Variants in KIAA1217 observed in about 807,000 individuals in gnomAD.
KIAA1217 encodes KIAA1217, also known as sickle tail protein homolog.
Under a neutral mutation model 163.9 loss-of-function variants are expected in KIAA1217, and 88 were observed. The observed-to-expected ratio is 0.54, with a 90% CI of 0.45 to 0.64. KIAA1217 has a LOEUF of 0.64. KIAA1217 is among the 30% of genes least tolerant of loss of function. KIAA1217 has a pLI of 0.00. For missense variants in KIAA1217, 2,372 were observed against 2,475.0 expected, an observed-to-expected ratio of 0.96 and a Z score of 0.88; for synonymous variants, 903 against 923.1, an observed-to-expected ratio of 0.98 and a Z score of 0.39.
chr10:24,540,321 C>T (rs2074831591), intron 17 of KIAA1217, among the ~76,000 whole-genome samples: 1 of 152,184 alleles, frequency 6.6e-6, no homozygotes, highest in Non-Finnish European at 1.5e-5. Context: ...GCAACCTCCG[C>T]CTCCTGAGTT....
chr10:23,954,182 AG>A (rs1341360709), intron 1 of KIAA1217, among the ~76,000 whole-genome samples: 2 of 152,176 alleles, frequency 1.3e-5, no homozygotes, highest in Non-Finnish European at 2.9e-5. Flanking sequence ...TTCTTCTTCT[AG>A]TAAGTCAATA....
chr10:23,976,018 A>G (rs906322372), intron 1 of KIAA1217, among the ~76,000 whole-genome samples: 5 of 152,108 alleles, frequency 3.3e-5, no homozygotes, highest in African/African-American at 1.2e-4. Flanking sequence ...TCAACCTATC[A>G]TCCACAGATC....
At chr10:24,385,384 T>G (rs2053870770) in intron 3 of KIAA1217, among the ~76,000 whole-genome samples, 1 of 152,190 alleles carries the variant, frequency 6.6e-6, no homozygotes, top group Non-Finnish European at 1.5e-5. Flanking sequence ...GAACAGTAGC[T>G]GTGTTTTGGA....
rs1314063837 is a variant in KIAA1217, at chr10:24,402,520, AAAC to A, written c.553+21456_553+21458del. ...CAAGACTCCCTCTCAAAAAAACAAA[AAAC>A]AAAACAAAAAAAAAAAAAAGGCAAA... On this transcript the variant is annotated intron_variant, in intron 3 of 20. Transcript: ENST00000376454. Among the ~76,000 whole-genome samples the A allele has an allele frequency of 4.9e-5, 4 of 81,442 alleles. 1 individual carries two copies. The highest frequency in any genetic ancestry group is 1.2e-4 in the Admixed American group (1 of 8,246). The allele number at this position is 81,442 out of a possible 152,430, so 53.4% of individuals were successfully genotyped here.
intron 2 of KIAA1217, among the ~76,000 whole-genome samples, chr10:24,121,084 A>G (rs2063264914): frequency 6.6e-6 from 1 of 152,138 alleles, no homozygotes; most frequent in African/African-American, 2.4e-5. Context: ...GGCATCCTGT[A>G]TTCTTTTTGT....
chr10:24,182,313 GT>G (rs1267911847), intron 2 of KIAA1217, among the ~76,000 whole-genome samples: 1 of 152,154 alleles, frequency 6.6e-6, no homozygotes, highest in Non-Finnish European at 1.5e-5. Flanking sequence ...GTGTGCACCT[GT>G]AGTGCCAGCT....
intron 6 of KIAA1217, among the ~76,000 whole-genome samples, chr10:24,480,035 A>G (rs2064478092): frequency 6.6e-6 from 1 of 152,122 alleles, no homozygotes; most frequent in Non-Finnish European, 1.5e-5. Flanking sequence ...GGGACAAACC[A>G]TATCCAAACC....
In KIAA1217 at chr10:24,521,257, G is replaced by A. The variant is rs141656100; in HGVS notation, c.2309-525G>A. ...AGGCAGGAGAATTACTTGAACCCAG[G>A]AGGCGGAGGTTACAGTAAGCCAAGA... On this transcript the variant is annotated intron_variant, in intron 11 of 20. Coordinates refer to ENST00000376454, the MANE Select transcript of KIAA1217 (RefSeq NM_019590.5). Among the ~76,000 whole-genome samples, 264 of 151,890 alleles carry A rather than the reference G, an allele frequency of 1.7e-3. 4 individuals are homozygous for A. The highest frequency in any genetic ancestry group is 6.0e-3 in the African/African-American group (248 of 41,410).
Position 23,859,999 on chromosome 10 carries a change from A to G in KIAA1217, c.-320-147226A>G, listed in dbSNP as rs148090166. The stretch of plus-strand genomic sequence containing the variant: ...TGCTCATTTGAGTAATGGCATTTGC[A>G]GCAACAATGCTGACATAGTCACTTG... On this transcript the variant is annotated intron_variant, in intron 1 of 18. Coordinates refer to the KIAA1217 transcript ENST00000376462. Among the ~76,000 whole-genome samples the G allele has an allele frequency of 5.3e-5, 8 of 152,218 alleles. No homozygotes were observed. In the East Asian group the frequency reaches 1.5e-3, roughly 29 times the overall value.
At chr10:23,771,385 C>A (rs1013176241) in intron 1 of KIAA1217, among the ~76,000 whole-genome samples, 1 of 152,174 alleles carries the variant, frequency 6.6e-6, no homozygotes. Context: ...GTAAGATAGA[C>A]TTGGGAAAAT....
rs149844190 is a variant in KIAA1217 at position 24,143,854 on chromosome 10, A to G, written c.-170-75772A>G. Among the ~76,000 whole-genome samples, 181 of 152,060 alleles carry G rather than the reference A, an allele frequency of 1.2e-3. 1 individual carries two copies. The highest frequency in any genetic ancestry group is 3.8e-3 in the African/African-American group (157 of 41,504). On this transcript the variant is annotated intron_variant, in intron 2 of 18. Coordinates refer to the KIAA1217 transcript ENST00000376462. ...CAAAAACAAAAAACCAGTTCTGACC[A>G]GGACAGCAGGATCATATGGTACCAG...
chr10:24,527,154 T>A (rs909716521), intron 13 of KIAA1217, among the ~76,000 whole-genome samples: 1 of 151,988 alleles, frequency 6.6e-6, no homozygotes, highest in Non-Finnish European at 1.5e-5. Context: ...AAATAATACC[T>A]CCTCCCTCAT....
chr10:23,846,814 G>A (rs1839055090), intron 1 of KIAA1217, among the ~76,000 whole-genome samples: 1 of 152,030 alleles, frequency 6.6e-6, no homozygotes, highest in African/African-American at 2.4e-5. Context: ...TCTTGTGCCG[G>A]TTTTCAAAGG....
intron 1 of KIAA1217, among the ~76,000 whole-genome samples, chr10:23,818,096 C>T (rs548771371): frequency 2.2e-4 from 26 of 117,890 alleles, no homozygotes; most frequent in African/African-American, 9.8e-4. Flanking sequence ...GATATACATA[C>T]ACACACACAC....
Position 24,219,752 on chromosome 10 carries a change from G to A in KIAA1217, c.197G>A (p.Arg66Lys). Residue 66 changes from arginine to lysine, a missense_variant, in exon 2 of 21, where the codon AGA becomes AAA. Arg to Lys is a conservative substitution (Grantham distance 26, BLOSUM62 2). This residue lies in a region of KIAA1217 where 1,431 missense variants were observed against 1,470.3 expected (regional missense o/e 0.97). Transcript: ENST00000376454. ...AAGTCTTCCCGCAATATCCCAAGGA[G>A]ACACACCCTAGGGGGGCCCCGAAGT... ...VSKSSRNIPRRHTLGGPRSSK... is the reference protein window; with the variant it reads ...VSKSSRNIPRKHTLGGPRSSK... 6.2e-7 allele frequency: 1 copy of A among 1,613,836 alleles called. No homozygotes were observed. Among genetic ancestry groups the A allele is most frequent in the Non-Finnish European group, 8.5e-7 (1 of 1,179,860 alleles).
At chr10:24,019,619 C>T (rs1263747095) in intron 2 of KIAA1217, among the ~76,000 whole-genome samples, 1 of 151,860 alleles carries the variant, frequency 6.6e-6, no homozygotes, top group Non-Finnish European at 1.5e-5. Flanking sequence ...AAATACTTAA[C>T]TCTGAGGTTG....
At chr10:24,051,639 T>C (rs1849520534) in intron 2 of KIAA1217, among the ~76,000 whole-genome samples, 1 of 152,184 alleles carries the variant, frequency 6.6e-6, no homozygotes. Flanking sequence ...TATTTTTAAA[T>C]TGTGGCCATT....
At chr10:23,826,529 C>G (rs1021371327) in intron 1 of KIAA1217, among the ~76,000 whole-genome samples, 2 of 152,098 alleles carry the variant, frequency 1.3e-5, no homozygotes, top group Non-Finnish European at 2.9e-5. Context: ...TTGAAAGCAC[C>G]GTCAAAACTC....
At chr10:24,259,710 C>T (rs2075535609) in intron 2 of KIAA1217, among the ~76,000 whole-genome samples, 1 of 152,204 alleles carries the variant, frequency 6.6e-6, no homozygotes, top group Admixed American at 6.5e-5. Flanking sequence ...CGTGATTCCC[C>T]TGTGCCTTCC....
Sources: gnomAD v4.1 joint callset for allele counts (sites outside exome capture counted in the v4.1 genomes callset) on GRCh38, gnomAD v4.1.1 for gene constraint, gnomAD v4.1.1 regional missense constraint, MANE v1.5 for transcripts, NCBI Gene and HGNC (gene_info 2026-07-23, HGNC 2026-07-21) for gene names.